The following GREB1L variants were observed in gnomAD, a reference collection of about 807,000 sequenced individuals.
GREB1L encodes the protein GREB1 like retinoic acid receptor coactivator.
A neutral mutation model predicts 200.8 loss-of-function variants in GREB1L; 17 were observed. The ratio of observed to expected loss-of-function variants is 0.08; its 90% CI spans 0.06 to 0.13. GREB1L has a LOEUF of 0.13. Ranked by LOEUF, GREB1L falls within the 10% of genes least tolerant of loss-of-function variation. The probability of loss-of-function intolerance (pLI) is 1.00; values close to 1 mark genes in which losing one functional copy is unlikely to be tolerated. For missense variants in GREB1L, 1,657 were observed against 2,367.7 expected, an observed-to-expected ratio of 0.70 and a Z score of 6.23; for synonymous variants, 789 against 893.0, an observed-to-expected ratio of 0.88 and a Z score of 2.08.
intron 1 of GREB1L, among the ~76,000 whole-genome samples, chr18:21,310,479 A>G (rs755484652): frequency 6.6e-6 from 1 of 152,240 alleles, no homozygotes; most frequent in Non-Finnish European, 1.5e-5. Flanking sequence ...TGTCTGACTT[A>G]CTAGAAAACA....
chr18:21,299,930 C>G (rs1598640693), intron 1 of GREB1L, among the ~76,000 whole-genome samples: 1 of 151,866 alleles, frequency 6.6e-6, no homozygotes, highest in East Asian at 1.9e-4. Context: ...ATATAGAATA[C>G]CAGCTAGAGC....
chr18:21,375,966 C>T (rs1374392217), intron 2 of GREB1L, among the ~76,000 whole-genome samples: 1 of 152,136 alleles, frequency 6.6e-6, no homozygotes, highest in East Asian at 1.9e-4. Context: ...CCAGTAATGC[C>T]TGCCATTGTA....
intron 21 of GREB1L, among the ~76,000 whole-genome samples, chr18:21,498,715 A>G (rs1337362376): frequency 6.6e-6 from 1 of 152,204 alleles, no homozygotes; most frequent in African/African-American, 2.4e-5. Context: ...GACCCCAGCC[A>G]TGGCTGACTC....
chr18:21,265,141 G>A (rs959996078), intron 1 of GREB1L, among the ~76,000 whole-genome samples: 1 of 152,056 alleles, frequency 6.6e-6, no homozygotes, highest in Non-Finnish European at 1.5e-5. Flanking sequence ...TAAAATGTCT[G>A]AATCAAATAC....
At position 21,473,191 on chromosome 18, in the gene GREB1L, C is replaced by T; in HGVS notation, c.2343C>T (p.Asn781=). The change falls in exon 16 of 33, where the codon AAC becomes AAT. Residue 781 remains asparagine, a synonymous_variant. Transcript: ENST00000424526. The part of the protein sequence containing the change: ...PYTLFVLVHD[N]SHVELTSVIS... Reference sequence around the variant, plus strand: ...CACTGTTTGTGCTAGTTCATGACAACTCCCATGTGGAACTAACGAGGTGAT... The same window carrying T: ...CACTGTTTGTGCTAGTTCATGACAATTCCCATGTGGAACTAACGAGGTGAT... 1 of 1,534,712 alleles carries T rather than the reference C, an allele frequency of 6.5e-7. No individual in the cohort carries two copies. Among genetic ancestry groups the T allele is most frequent in the Non-Finnish European group, 8.8e-7 (1 of 1,137,846 alleles).
At chr18:21,408,755 T>C (rs2030594113) in intron 7 of GREB1L, among the ~76,000 whole-genome samples, 1 of 149,784 alleles carries the variant, frequency 6.7e-6, no homozygotes, top group African/African-American at 2.5e-5. Flanking sequence ...GATTGCACCA[T>C]TGCATTCCAG....
intron 1 of GREB1L, among the ~76,000 whole-genome samples, chr18:21,351,391 A>G (rs556860807): frequency 9.2e-5 from 14 of 152,208 alleles, no homozygotes; most frequent in African/African-American, 2.6e-4. Context: ...TGGCCAACAT[A>G]GTGAAACCCC....
At chr18:21,429,941 A>G (rs1356037016) in intron 7 of GREB1L, among the ~76,000 whole-genome samples, 6 of 152,164 alleles carry the variant, frequency 3.9e-5, no homozygotes, top group African/African-American at 1.4e-4. Flanking sequence ...TCCAAGACTG[A>G]GGTGCTGGCA....
At chr18:21,482,176 G>A (rs1390306405) in intron 17 of GREB1L, among the ~76,000 whole-genome samples, 1 of 152,216 alleles carries the variant, frequency 6.6e-6, no homozygotes, top group Admixed American at 6.5e-5. Context: ...TCTAGGATTT[G>A]TTTATTCAGG....
At chr18:21,497,685 A>T (rs1467001537) in intron 21 of GREB1L, among the ~76,000 whole-genome samples, 1 of 151,878 alleles carries the variant, frequency 6.6e-6, no homozygotes, top group Non-Finnish European at 1.5e-5. Context: ...AAAAAGAAAG[A>T]AGAAAGAAAA....
At chr18:21,322,487 T>C (rs1251276893) in intron 1 of GREB1L, among the ~76,000 whole-genome samples, 1 of 152,154 alleles carries the variant, frequency 6.6e-6, no homozygotes, top group Non-Finnish European at 1.5e-5. Flanking sequence ...TCCTAAATGG[T>C]AGAATACATA....
intron 7 of GREB1L, among the ~76,000 whole-genome samples, chr18:21,438,960 CAA>C (rs59125788): frequency 5.4e-4 from 35 of 64,696 alleles, no homozygotes; most frequent in African/African-American, 1.5e-3. Flanking sequence ...GACTCTGTCT[CAA>C]AAAAAAAAAA....
intron 2 of GREB1L, among the ~76,000 whole-genome samples, chr18:21,378,870 T>TG (rs1942809330): frequency 6.6e-6 from 1 of 151,720 alleles, no homozygotes; most frequent in Admixed American, 6.6e-5. Flanking sequence ...ATTAATTTAG[T>TG]GTTTTTTTTT....
At chr18:21,292,861 G>A (rs2038472513) in intron 1 of GREB1L, among the ~76,000 whole-genome samples, 2 of 152,226 alleles carry the variant, frequency 1.3e-5, no homozygotes, top group South Asian at 4.1e-4. Flanking sequence ...TACTGTAGTT[G>A]TAGTTAGGTT....
intron 1 of GREB1L, among the ~76,000 whole-genome samples, chr18:21,349,926 G>A (rs952067209): frequency 5.9e-5 from 9 of 152,220 alleles, no homozygotes; most frequent in South Asian, 2.1e-4. Context: ...TGTCTTCCAC[G>A]AAACCAGTGC....
At chr18:21,517,510 A>G (rs971715989) in intron 30 of GREB1L, among the ~76,000 whole-genome samples, 3 of 152,152 alleles carry the variant, frequency 2.0e-5, no homozygotes, top group African/African-American at 7.2e-5. Flanking sequence ...TACATTCTTT[A>G]TGTAATACAT....
At chr18:21,318,122 AAAAC>A (rs997700904) in intron 1 of GREB1L, among the ~76,000 whole-genome samples, 2 of 151,784 alleles carry the variant, frequency 1.3e-5, no homozygotes, top group African/African-American at 4.8e-5. Context: ...AAAAAAAAAA[AAAAC>A]AAAGAGAGAA....
intron 1 of GREB1L, among the ~76,000 whole-genome samples, chr18:21,248,479 G>T (rs1408715116): frequency 6.6e-6 from 1 of 152,140 alleles, no homozygotes; most frequent in Non-Finnish European, 1.5e-5. Flanking sequence ...TGAGTGTGAT[G>T]ACAGAAGAAA....
chr18:21,465,565 A>G (rs1161740430), intron 15 of GREB1L, among the ~76,000 whole-genome samples: 1 of 152,214 alleles, frequency 6.6e-6, no homozygotes, highest in African/African-American at 2.4e-5. Flanking sequence ...CAAAATATTA[A>G]CAACTGATTA....
Sources: allele counts gnomAD v4.1 joint callset (sites outside exome capture counted in the v4.1 genomes callset), GRCh38; gene constraint gnomAD v4.1.1; transcripts MANE v1.5; gene names NCBI Gene and HGNC (gene_info 2026-07-23, HGNC 2026-07-21).